Variants in NXPE4 observed in about 807,000 individuals in gnomAD.
NXPE4 encodes neurexophilin and PC-esterase domain family member 4, also known as NXPE family member 4.
A neutral mutation model predicts 33.3 loss-of-function variants in NXPE4; 42 were observed. The ratio of observed to expected loss-of-function variants is 1.26; its 90% CI spans 0.98 to 1.63. NXPE4 has a LOEUF of 1.63. Among genes scored for constraint, NXPE4 ranks in the 40% most tolerant of loss-of-function variants. The pLI is 0.00. For synonymous variants in NXPE4, 253 were observed against 234.9 expected (o/e 1.08, Z -0.71); for missense variants, 709 against 647.6 (o/e 1.09, Z -1.03).
intron 2 of NXPE4, chr11:114,584,010 T>C: frequency 2.8e-6 from 1 of 354,988 alleles, no homozygotes; most frequent in South Asian, 2.6e-5. Flanking sequence ...GAGATGTTCC[T>C]GTCTAGTGTG....
chr11:114,585,882 G>A (rs36052342), intron 2 of NXPE4, among the ~76,000 whole-genome samples: 2 of 152,152 alleles, frequency 1.3e-5, no homozygotes, highest in African/African-American at 4.8e-5. Context: ...TGAGGGCCAG[G>A]CATGTTCAAC....
At chr11:114,572,498 GAAAT>G (rs1948913371) in intron 5 of NXPE4, among the ~76,000 whole-genome samples, 1 of 152,096 alleles carries the variant, frequency 6.6e-6, no homozygotes, top group South Asian at 2.1e-4. Flanking sequence ...ATTCTTCAGT[GAAAT>G]AGATAGTATA....
At chr11:114,603,238 G>C in the NXPE4 span, among the ~76,000 whole-genome samples, 1 of 151,282 alleles carries the variant, frequency 6.6e-6, no homozygotes, top group Non-Finnish European at 1.5e-5. Context: ...GATAAGTATT[G>C]CCTCGTCTCC....
chr11:114,594,682 A>G lies in NXPE4; in HGVS notation c.78T>C (p.Val26=), dbSNP rs2135301289. The G allele has an allele frequency of 2.5e-6, 4 of 1,600,730 alleles. No individual in the cohort carries two copies. The highest frequency in any genetic ancestry group is 3.4e-6 in the Non-Finnish European group (4 of 1,171,234). ...FILASWIIFT[V]FQNSTKVWSA... Reference sequence around the variant, plus strand: ...TTCCTACCTTTGTGGAGTTCTGGAAAACTGTAAAAATGATCCAGGAGGCTA... The same window carrying G: ...TTCCTACCTTTGTGGAGTTCTGGAAGACTGTAAAAATGATCCAGGAGGCTA... Residue 26 remains valine, a synonymous_variant, in exon 2 of 6, where the codon GTT becomes GTC. Transcript: ENST00000375478.
chr11:114,669,464 G>A, the NXPE4 span, among the ~76,000 whole-genome samples: 1 of 152,020 alleles, frequency 6.6e-6, no homozygotes, highest in Non-Finnish European at 1.5e-5. Context: ...ATTCCTTCCA[G>A]TTGTGTGTTG....
Position 114,582,279 on chromosome 11 carries a change from T to C in NXPE4, c.830+9A>G. 6.5e-7 allele frequency: 1 copy of C among 1,548,940 alleles called. No individual in the cohort carries two copies. Among genetic ancestry groups the C allele is most frequent in the South Asian group, 1.3e-5 (1 of 78,990 alleles). On this transcript the variant is annotated intron_variant, in intron 3 of 5. Coordinates refer to ENST00000375478, the MANE Select transcript of NXPE4 (RefSeq NM_001077639.2). ...TGCACAGGTAGTCTCAAGAAGTAAT[T>C]ATTTTTACCTTTCAAAGAGGCTCTT...
chr11:114,582,206 C>A, intron 3 of NXPE4, 82 bp downstream of exon 3: 2 of 1,439,486 alleles, frequency 1.4e-6, no homozygotes, highest in South Asian at 3.0e-5. Flanking sequence ...AATTAATACA[C>A]TCACAAGACT....
At chr11:114,675,733 G>T in the NXPE4 span, among the ~76,000 whole-genome samples, 1 of 151,766 alleles carries the variant, frequency 6.6e-6, no homozygotes, top group East Asian at 1.9e-4. Flanking sequence ...CTTTCTAACA[G>T]AAATAAAAGT....
At chr11:114,663,757 C>A in the NXPE4 span, among the ~76,000 whole-genome samples, 2 of 151,760 alleles carry the variant, frequency 1.3e-5, no homozygotes, top group Non-Finnish European at 2.9e-5. Context: ...TAATAATAAG[C>A]AACCCAAGTA....
chr11:114,607,792 G>A, the NXPE4 span, among the ~76,000 whole-genome samples: 1 of 149,348 alleles, frequency 6.7e-6, no homozygotes. Flanking sequence ...ACACGGTGGA[G>A]AATAAGTGTT....
intron 5 of NXPE4, among the ~76,000 whole-genome samples, chr11:114,576,878 A>G (rs1949004587): frequency 6.6e-6 from 1 of 151,216 alleles, no homozygotes; most frequent in Admixed American, 6.6e-5. Flanking sequence ...CGAAAAAAAT[A>G]CTTGTACACA....
chr11:114,586,664 T>A (rs936322958), intron 2 of NXPE4, among the ~76,000 whole-genome samples: 3 of 152,162 alleles, frequency 2.0e-5, no homozygotes, highest in African/African-American at 4.8e-5. Flanking sequence ...TGAAGGTTCC[T>A]TGCCAGGGAG....
At chr11:114,605,214 C>G in the NXPE4 span, among the ~76,000 whole-genome samples, 1 of 151,914 alleles carries the variant, frequency 6.6e-6, no homozygotes, top group Non-Finnish European at 1.5e-5. Flanking sequence ...TAAGTATTGC[C>G]TCGTGGGTAA....
Position 114,582,773 on chromosome 11 carries a change from G to A in NXPE4, c.345C>T (p.Asp115=). ...LNPRDTYCRG[D]QLHILLEVRD... ...TCACCTCCAGCAGGATGTGCAGCTG[G>A]TCTCCCCTGCAGTACGTATCTCGAG... Residue 115 remains aspartate, a synonymous_variant, in exon 3 of 6, where the codon GAC becomes GAT. Coordinates refer to ENST00000375478, the MANE Select transcript of NXPE4 (RefSeq NM_001077639.2). 6.2e-7 allele frequency: 1 copy of A among 1,614,148 alleles called. No homozygotes were observed. Among genetic ancestry groups the A allele is most frequent in the East Asian group, 2.2e-5 (1 of 44,878 alleles).
At chr11:114,672,056 T>G in the NXPE4 span, among the ~76,000 whole-genome samples, 5 of 151,802 alleles carry the variant, frequency 3.3e-5, no homozygotes, top group Non-Finnish European at 4.4e-5. Flanking sequence ...GGGAAAGACA[T>G]AGAGAGAAGG....
chr11:114,582,769 G>A lies in NXPE4; in HGVS notation c.349C>T (p.Leu117=), dbSNP rs1949184203. ...PRDTYCRGDQ[L]HILLEVRDHL... ...TCCCTCACCTCCAGCAGGATGTGCA[G>A]CTGGTCTCCCCTGCAGTACGTATCT... The change falls in exon 3 of 6, where the codon CTG becomes TTG. Residue 117 remains leucine, a synonymous_variant. Transcript: ENST00000375478. 2 of 1,614,054 alleles carry A rather than the reference G, an allele frequency of 1.2e-6. No individual in the cohort carries two copies. The highest frequency in any genetic ancestry group is 3.3e-5 in the Admixed American group (2 of 60,008).
In NXPE4 at chr11:114,570,668, G is replaced by C. The variant is rs1291048037; in HGVS notation, c.*270C>G. The C allele has an allele frequency of 3.9e-6, 1 of 259,196 alleles. No homozygotes were observed. Among genetic ancestry groups the C allele is most frequent in the Non-Finnish European group, 7.2e-6 (1 of 138,724 alleles). 16.1% of individuals were successfully genotyped at this position (259,196 alleles called of 1,614,324 possible). On this transcript the variant is annotated 3_prime_UTR_variant, in exon 6 of 6. Coordinates refer to ENST00000375478, the MANE Select transcript of NXPE4 (RefSeq NM_001077639.2). Reference sequence around the variant, plus strand: ...GCATCAGAGAGAACTTTTACCCATAGGTGTCTTGACTTCCCATTGGTGAAG... The same window carrying C: ...GCATCAGAGAGAACTTTTACCCATACGTGTCTTGACTTCCCATTGGTGAAG...
At chr11:114,650,137 G>A in the NXPE4 span, among the ~76,000 whole-genome samples, 1 of 152,136 alleles carries the variant, frequency 6.6e-6, no homozygotes, top group Non-Finnish European at 1.5e-5. Context: ...AGCTCAAGTA[G>A]CAAGAAGACC....
At chr11:114,617,517 T>A in the NXPE4 span, among the ~76,000 whole-genome samples, 1 of 152,232 alleles carries the variant, frequency 6.6e-6, no homozygotes, top group Admixed American at 6.5e-5. Flanking sequence ...CGGTGGATAA[T>A]ACGTGTTGCC....
Sources: gnomAD v4.1 joint callset for allele counts (sites outside exome capture counted in the v4.1 genomes callset) on GRCh38, gnomAD v4.1.1 for gene constraint, MANE v1.5 for transcripts, NCBI Gene and HGNC (gene_info 2026-07-23, HGNC 2026-07-21) for gene names.